Variants in CACNA1I observed in about 807,000 individuals in gnomAD.
CACNA1I encodes calcium voltage-gated channel subunit alpha1 I.
A neutral mutation model predicts 201.6 loss-of-function variants in CACNA1I; 74 were observed. That is an observed-to-expected ratio of 0.37 (90% CI 0.30 to 0.45). CACNA1I has a LOEUF of 0.45. CACNA1I is among the 20% of genes least tolerant of loss of function. The probability of loss-of-function intolerance (pLI) is 1.00; values close to 1 mark genes in which losing one functional copy is unlikely to be tolerated. For synonymous variants in CACNA1I, 1,431 were observed against 1,345.2 expected, an observed-to-expected ratio of 1.06 and a Z score of -1.40; for missense variants, 2,346 against 3,138.1, an observed-to-expected ratio of 0.75 and a Z score of 6.03.
At chr22:39,640,752 G>A (rs1934331464) in intron 5 of CACNA1I, 115 bp from the exon 6 acceptor site, 3 of 839,648 alleles carry the variant, frequency 3.6e-6, no homozygotes, top group African/African-American at 1.7e-5. Flanking sequence ...CATGTGCCAA[G>A]GCCTGGAGGC....
chr22:39,624,872 C>T (rs1479918158), intron 4 of CACNA1I, among the ~76,000 whole-genome samples: 2 of 149,432 alleles, frequency 1.3e-5, no homozygotes, highest in African/African-American at 4.9e-5. Context: ...ATTTCTCCTA[C>T]TTATGGTTTG....
rs1304705324 is a variant in CACNA1I, at chr22:39,646,694, G to C, written c.1275G>C (p.Val425=). ...QRQRYLSSST[V]ASYAEPGDCY... Reference sequence around the variant, plus strand: ...AGCGCTACCTGTCCTCCAGCACGGTGGCCAGCTACGCCGAGCCTGGCGACT... The same window carrying C: ...AGCGCTACCTGTCCTCCAGCACGGTCGCCAGCTACGCCGAGCCTGGCGACT... Residue 425 remains valine (V), a synonymous_variant, in exon 8 of 37, where the codon GTG becomes GTC. Transcript: ENST00000402142. 5.0e-6 allele frequency: 8 copies of C among 1,591,340 alleles called. No homozygotes were observed. Among genetic ancestry groups the C allele is most frequent in the Admixed American group, 1.7e-5 (1 of 57,324 alleles).
chr22:39,625,363 T>G (rs1252124052), intron 4 of CACNA1I, among the ~76,000 whole-genome samples: 1 of 152,200 alleles, frequency 6.6e-6, no homozygotes, highest in African/African-American at 2.4e-5. Context: ...CAGCAAAGGC[T>G]GCAAAGCTCC....
In CACNA1I at chr22:39,662,379, T is replaced by C; in HGVS notation, c.3316T>C (p.Phe1106Leu). 1 of 1,478,162 alleles carries C rather than the reference T, an allele frequency of 6.8e-7. No individual in the cohort carries two copies. 91.6% of individuals were successfully genotyped at this position (1,478,162 alleles called of 1,614,324 possible). Residue 1106 changes from phenylalanine (F) to leucine (L), a missense_variant, in exon 17 of 37, where the codon TTC (phenylalanine) becomes CTC (leucine). Coordinates refer to ENST00000402142, the MANE Select transcript of CACNA1I (RefSeq NM_021096.4). ...GRMPSIAKDVFTKMGDRGDRG... is the reference protein window; with the variant it reads ...GRMPSIAKDVLTKMGDRGDRG... ...GATGCCCAGCATCGCCAAAGACGTC[T>C]TCACCAAGATGGGCGACCGCGGGGA...
At chr22:39,588,888 G>A (rs983256191) in intron 1 of CACNA1I, among the ~76,000 whole-genome samples, 11 of 152,140 alleles carry the variant, frequency 7.2e-5, no homozygotes, top group African/African-American at 2.2e-4. Flanking sequence ...GCTCTGCTGC[G>A]TCTGGCTTCT....
chr22:39,572,356 G>C (rs952079683), intron 1 of CACNA1I, among the ~76,000 whole-genome samples: 1 of 152,120 alleles, frequency 6.6e-6, no homozygotes, highest in Non-Finnish European at 1.5e-5. Context: ...GGCAGGGTGC[G>C]GGGAGCTGGT....
At chr22:39,585,884 T>A (rs1034681445) in intron 1 of CACNA1I, among the ~76,000 whole-genome samples, 2 of 151,286 alleles carry the variant, frequency 1.3e-5, no homozygotes, top group Non-Finnish European at 1.5e-5. Context: ...CTTCAATATT[T>A]AAAAAAATGC....
chr22:39,664,464 A>G (rs1416420134), intron 20 of CACNA1I, among the ~76,000 whole-genome samples: 1 of 152,094 alleles, frequency 6.6e-6, no homozygotes, highest in Non-Finnish European at 1.5e-5. Context: ...GGCGCTTCCC[A>G]GGGCGGGCAG....
At position 39,686,041 on chromosome 22, in the gene CACNA1I, T is replaced by G; in HGVS notation, c.6308T>G (p.Met2103Arg). 1 of 1,235,060 alleles carries G rather than the reference T, an allele frequency of 8.1e-7. No homozygotes were observed. The highest frequency in any genetic ancestry group is 3.3e-5 in the East Asian group (1 of 30,712). 76.5% of individuals were successfully genotyped at this position (1,235,060 alleles called of 1,614,324 possible). ...CCGGGCTGCACCCACCACGACTCCA[T>G]GGACCCCTCGGACGAGGAGGGCCGC... ...TSPGCTHHDS[M>R]DPSDEEGRGG... is the part of the protein sequence containing the mutation. Residue 2103 changes from methionine (M) to arginine (R), a missense_variant, in exon 37 of 37, where the codon ATG (methionine) becomes AGG (arginine). Transcript: ENST00000402142.
chr22:39,661,978 G>A lies in CACNA1I; in HGVS notation c.2915G>A (p.Ser972Asn). 6.5e-7 allele frequency: 1 copy of A among 1,542,654 alleles called. No individual in the cohort carries two copies. The highest frequency in any genetic ancestry group is 2.1e-5 in the Admixed American group (1 of 48,386). Residue 972 changes from serine to asparagine, a missense_variant, in exon 17 of 37, where the codon AGC becomes AAC. This residue lies in a region of CACNA1I where 288 missense variants were observed against 255.2 expected (regional missense o/e 1.13). Coordinates refer to ENST00000402142, the MANE Select transcript of CACNA1I (RefSeq NM_021096.4). ...YDQRSLSSSR[S>N]SYYGPWGRSA... ...AACTCCTTCCAGTCCAGCTCCCGGA[G>A]CTCCTACTACGGGCCATGGGGCCGC...
At chr22:39,620,053 A>ATCCATCCC (rs57332853) in intron 4 of CACNA1I, among the ~76,000 whole-genome samples, 1 of 89,466 alleles carries the variant, frequency 1.1e-5, no homozygotes, top group Non-Finnish European at 2.4e-5. Flanking sequence ...CCATCCATCC[A>ATCCATCCC]CCCACCCACC....
rs1285479598 is a variant in CACNA1I at position 39,668,346 on chromosome 22, T to C, written c.4159T>C (p.Tyr1387His). 22 of 1,613,440 alleles carry C rather than the reference T, an allele frequency of 1.4e-5. No homozygotes were observed. The Admixed American group carries it at 3.7e-4, about 27-fold the overall frequency. Residue 1387 changes from tyrosine (Y) to histidine (H), a missense_variant, in exon 24 of 37, where the codon TAC becomes CAC. Tyr to His is a moderately conservative substitution (Grantham distance 83). This residue lies in a region of CACNA1I where 228 missense variants were observed against 395.7 expected (regional missense o/e 0.58). Transcript: ENST00000402142. ...CAAGGATGGTTGGGTGAACATCATG[T>C]ACAATGGACTGGATGCTGTTGCTGT... is the stretch of plus-strand genomic sequence containing the variant. The part of the protein sequence containing the change: ...ASKDGWVNIM[Y>H]NGLDAVAVDQ...
chr22:39,594,278 G>A (rs912390004), intron 1 of CACNA1I, among the ~76,000 whole-genome samples: 4 of 151,994 alleles, frequency 2.6e-5, no homozygotes, highest in African/African-American at 4.8e-5. Context: ...CCTGGGAGAC[G>A]CCACTAAGTG....
chr22:39,662,985 G>C (rs1249428905), intron 18 of CACNA1I, 109 bp downstream of exon 18: 5 of 744,268 alleles, frequency 6.7e-6, no homozygotes, highest in South Asian at 3.3e-5. Flanking sequence ...AGACCACAGC[G>C]GACCCTCCCG....
Position 39,660,339 on chromosome 22 carries a change from C to T in CACNA1I, c.2605-5C>T, listed in dbSNP as rs912374772. On this transcript the variant is annotated splice_polypyrimidine_tract_variant and splice_region_variant and intron_variant, in intron 14 of 36. Coordinates refer to ENST00000402142, the MANE Select transcript of CACNA1I (RefSeq NM_021096.4). Reference sequence around the variant, plus strand: ...TGCATTCTAACGTGACGGATGCTCTCCCAGGGTGACGCCAATCGCTCCTAC... The same window carrying T: ...TGCATTCTAACGTGACGGATGCTCTTCCAGGGTGACGCCAATCGCTCCTAC... The T allele has an allele frequency of 3.7e-6, 6 of 1,610,668 alleles. No individual in the cohort carries two copies. The African/African-American group carries it at 5.3e-5, about 14-fold the overall frequency.
chr22:39,623,501 T>C (rs1417969667), intron 4 of CACNA1I, among the ~76,000 whole-genome samples: 1 of 150,618 alleles, frequency 6.6e-6, no homozygotes, highest in African/African-American at 2.5e-5. Flanking sequence ...AGGGTGTCTG[T>C]GTATGCCTAT....
At chr22:39,682,231 C>T (rs1375200443) in intron 34 of CACNA1I, among the ~76,000 whole-genome samples, 1 of 152,222 alleles carries the variant, frequency 6.6e-6, no homozygotes, top group East Asian at 1.9e-4. Flanking sequence ...CTGATGCCTT[C>T]GCCAGCCTTG....
intron 3 of CACNA1I, among the ~76,000 whole-genome samples, chr22:39,618,415 G>A (rs1417960757): frequency 1.3e-5 from 2 of 151,958 alleles, no homozygotes; most frequent in African/African-American, 4.8e-5. Context: ...TTGTGTGCAT[G>A]TACGTGACTC....
At chr22:39,574,314 C>T (rs1208740634) in intron 1 of CACNA1I, among the ~76,000 whole-genome samples, 1 of 152,234 alleles carries the variant, frequency 6.6e-6, no homozygotes, top group African/African-American at 2.4e-5. Context: ...TGGCTGCAGC[C>T]GCTGCTGGCC....
Sources: allele counts gnomAD v4.1 joint callset (sites outside exome capture counted in the v4.1 genomes callset), GRCh38; gene constraint gnomAD v4.1.1; regional missense constraint gnomAD v4.1.1; transcripts MANE v1.5; gene names NCBI Gene and HGNC (gene_info 2026-07-23, HGNC 2026-07-21).